Variants in SOX5 observed in about 807,000 individuals in gnomAD.
SOX5 encodes the protein transcription factor SOX-5.
In SOX5, 9 loss-of-function variants were observed where a neutral mutation model predicts 92.0. The ratio of observed to expected loss-of-function variants is 0.10; its 90% CI spans 0.06 to 0.17. The LOEUF (loss-of-function observed/expected upper bound fraction) is 0.17, where lower values mean the gene tolerates loss of function less well. Ranked by LOEUF, SOX5 falls within the 10% of genes least tolerant of loss-of-function variation. The probability of loss-of-function intolerance (pLI) is 1.00; values close to 1 mark genes in which losing one functional copy is unlikely to be tolerated. For synonymous variants in SOX5, 344 were observed against 336.3 expected, an observed-to-expected ratio of 1.02 and a Z score of -0.25; for missense variants, 642 against 944.5, an observed-to-expected ratio of 0.68 and a Z score of 4.20.
intron 2 of SOX5, among the ~76,000 whole-genome samples, chr12:24,319,419 G>A (rs548828022): frequency 2.0e-5 from 3 of 151,948 alleles, no homozygotes; most frequent in Admixed American, 1.3e-4. Context: ...CCTATTTTTC[G>A]AAGCCAGAAA....
At chr12:23,875,419 C>T (rs1171684547) in intron 2 of SOX5, among the ~76,000 whole-genome samples, 3 of 152,046 alleles carry the variant, frequency 2.0e-5, no homozygotes, top group African/African-American at 7.2e-5. Flanking sequence ...GCCAAATAAC[C>T]CCACTGTGTT....
chr12:24,020,136 G>C (rs1163778628), intron 4 of SOX5, among the ~76,000 whole-genome samples: 1 of 152,116 alleles, frequency 6.6e-6, no homozygotes, highest in African/African-American at 2.4e-5. Flanking sequence ...TCAATGTTGA[G>C]CAGTCCTTAA....
intron 1 of SOX5, among the ~76,000 whole-genome samples, chr12:23,897,251 C>T (rs1173922247): frequency 6.6e-6 from 1 of 151,940 alleles, no homozygotes; most frequent in Admixed American, 6.6e-5. Flanking sequence ...AAGTGTGTTC[C>T]CCCAAATGCC....
At chr12:24,541,706 GA>G (rs1300648726) in intron 1 of SOX5, among the ~76,000 whole-genome samples, 1 of 152,174 alleles carries the variant, frequency 6.6e-6, no homozygotes, top group Non-Finnish European at 1.5e-5. Context: ...AAGCTTAAAA[GA>G]ATGACTTTTC....
At chr12:24,034,223 AT>A (rs1460185319) in intron 4 of SOX5, among the ~76,000 whole-genome samples, 1 of 152,078 alleles carries the variant, frequency 6.6e-6, no homozygotes, top group Non-Finnish European at 1.5e-5. Flanking sequence ...ATGAGAAGGC[AT>A]TTCATTTTCC....
rs115712938 is a variant in SOX5, at chr12:24,490,068, T to C, written c.-251+72261A>G. Among the ~76,000 whole-genome samples, 461 of 152,330 alleles carry C rather than the reference T, an allele frequency of 3.0e-3. 4 individuals are homozygous for C. The highest frequency in any genetic ancestry group is 9.6e-3 in the African/African-American group (401 of 41,576). On this transcript the variant is annotated intron_variant, in intron 1 of 4. Coordinates refer to the SOX5 transcript ENST00000446891. ...CTTGGGTTCACAAGTCTTACTGCAG[T>C]GGATGGCAGACTTCATACATTCAGC...
intron 4 of SOX5, among the ~76,000 whole-genome samples, chr12:23,979,286 C>T (rs545443733): frequency 1.3e-5 from 2 of 152,176 alleles, no homozygotes; most frequent in East Asian, 3.9e-4. Context: ...TGCAATGGTG[C>T]GATCTCAGCT....
chr12:24,401,037 A>C (rs1426877656), intron 1 of SOX5, among the ~76,000 whole-genome samples: 1 of 152,166 alleles, frequency 6.6e-6, no homozygotes, highest in Non-Finnish European at 1.5e-5. Flanking sequence ...CCTCTCTCCA[A>C]AACCTGACTC....
At chr12:24,090,997 C>T (rs1287989432) in intron 4 of SOX5, among the ~76,000 whole-genome samples, 1 of 152,164 alleles carries the variant, frequency 6.6e-6, no homozygotes. Flanking sequence ...AAGAGTTCTG[C>T]TGCTATATTT....
intron 4 of SOX5, among the ~76,000 whole-genome samples, chr12:24,100,462 C>A (rs987438795): frequency 1.9e-4 from 29 of 152,124 alleles, no homozygotes; most frequent in African/African-American, 6.3e-4. Flanking sequence ...TCTCTCCTCT[C>A]CTGGGCTTCC....
At chr12:23,822,869 G>A (rs559920523) in intron 3 of SOX5, among the ~76,000 whole-genome samples, 6 of 152,220 alleles carry the variant, frequency 3.9e-5, no homozygotes, top group East Asian at 3.9e-4. Context: ...TCCCTTTACC[G>A]TTAGATAATG....
At chr12:23,814,960 T>C (rs2095958816) in intron 3 of SOX5, among the ~76,000 whole-genome samples, 2 of 152,206 alleles carry the variant, frequency 1.3e-5, no homozygotes, top group Admixed American at 6.5e-5. Context: ...TTTTGAAATA[T>C]CTTATTGCCT....
intron 4 of SOX5, among the ~76,000 whole-genome samples, chr12:23,743,380 C>A (rs1593929511): frequency 6.6e-6 from 1 of 151,806 alleles, no homozygotes; most frequent in African/African-American, 2.4e-5. Flanking sequence ...CACGATCTCA[C>A]CTCACTGCAA....
chr12:23,958,109 A>G (rs1569263083), intron 4 of SOX5, among the ~76,000 whole-genome samples: 1 of 152,054 alleles, frequency 6.6e-6, no homozygotes, highest in South Asian at 2.1e-4. Flanking sequence ...TATCCTAAGC[A>G]CATCTTAAAA....
At chr12:24,317,114 A>G (rs1949765528) in intron 2 of SOX5, among the ~76,000 whole-genome samples, 1 of 152,214 alleles carries the variant, frequency 6.6e-6, no homozygotes, top group Non-Finnish European at 1.5e-5. Flanking sequence ...AAGAGCTGAG[A>G]TCTTTTATTT....
In SOX5 at chr12:24,515,723, C is replaced by T. The variant is rs576684896; in HGVS notation, c.-251+46606G>A. Among the ~76,000 whole-genome samples, 19 of 152,328 alleles carry T rather than the reference C, an allele frequency of 1.2e-4. No individual in the cohort carries two copies. The South Asian group carries it at 3.7e-3, about 30-fold the overall frequency. On this transcript the variant is annotated intron_variant, in intron 1 of 4. Coordinates refer to the SOX5 transcript ENST00000446891. ...TTCAAAGAGCAAACATTTCCCTCTA[C>T]TTAAAAACCACATCAACACTTTGTC...
chr12:23,579,499 A>G (rs1333986263), intron 9 of SOX5, among the ~76,000 whole-genome samples: 1 of 152,114 alleles, frequency 6.6e-6, no homozygotes, highest in Non-Finnish European at 1.5e-5. Flanking sequence ...GCTATACCAA[A>G]TGCCTATTAT....
At chr12:23,800,985 C>T (rs964810077) in intron 3 of SOX5, among the ~76,000 whole-genome samples, 10 of 152,128 alleles carry the variant, frequency 6.6e-5, no homozygotes, top group African/African-American at 1.9e-4. Flanking sequence ...CCAGTAGTAG[C>T]GCACTGGGCC....
chr12:24,284,630 G>T (rs1188007411), intron 2 of SOX5, among the ~76,000 whole-genome samples: 1 of 152,122 alleles, frequency 6.6e-6, no homozygotes, highest in Non-Finnish European at 1.5e-5. Context: ...TCAGGCAGCA[G>T]ACTCTTCTTG....
Sources: gnomAD v4.1 joint callset for allele counts (sites outside exome capture counted in the v4.1 genomes callset) on GRCh38, gnomAD v4.1.1 for gene constraint, MANE v1.5 for transcripts, NCBI Gene and HGNC (gene_info 2026-07-23, HGNC 2026-07-21) for gene names.